ULK4: variants seen among roughly 807,000 people sequenced by gnomAD.
ULK4 encodes inactive serine/threonine-protein kinase ULK4.
Under a neutral mutation model 160.6 loss-of-function variants are expected in ULK4, and 133 were observed. The observed-to-expected ratio is 0.83, with a 90% CI of 0.72 to 0.96. The LOEUF is 0.96. Among genes scored for constraint, ULK4 ranks in the 40% least tolerant of loss-of-function variants. ULK4 has a pLI of 0.00. For missense variants in ULK4, 1,580 were observed against 1,499.5 expected (o/e 1.05, Z -0.89); for synonymous variants, 534 against 539.8 (o/e 0.99, Z 0.15).
At chr3:41,722,162 A>G (rs1246212828) in intron 22 of ULK4, among the ~76,000 whole-genome samples, 1 of 152,190 alleles carries the variant, frequency 6.6e-6, no homozygotes, top group African/African-American at 2.4e-5. Context: ...AGCTGCTATC[A>G]TCACCACCAC....
In ULK4 at chr3:41,706,505, A is replaced by G. The variant is rs377541503; in HGVS notation, c.2635-1200T>C. On this transcript the variant is annotated intron_variant, in intron 25 of 36. Coordinates refer to ENST00000301831, the MANE Select transcript of ULK4 (RefSeq NM_017886.4). ...TGACCTCGGAACTAAAAAGTAACTA[A>G]GTATAAGCGATTAGCCCACAGTAGA... 4.7e-5 allele frequency among the ~76,000 whole-genome samples: 7 copies of G among 150,452 alleles called. No homozygotes were observed. In the East Asian group the frequency reaches 1.4e-3, roughly 29 times the overall value.
rs933976256 is a variant in ULK4, at chr3:41,935,802, T to C, written c.377A>G (p.Lys126Arg). 2 of 1,601,518 alleles carry C rather than the reference T, an allele frequency of 1.2e-6. No individual in the cohort carries two copies. Among genetic ancestry groups the C allele is most frequent in the Non-Finnish European group, 1.7e-6 (2 of 1,175,554 alleles). ...GILFCDISPR[K>R]ILLEGPGTLK... is the part of the protein sequence containing the mutation. Reference sequence around the variant, plus strand: ...AAATCAAAAACTTTCATGAATTACCTTCCTAGGAGAAATGTCACAAAAGAG... The same window carrying C: ...AAATCAAAAACTTTCATGAATTACCCTCCTAGGAGAAATGTCACAAAAGAG... The change falls in exon 4 of 37, where the codon AAG (lysine) becomes AGG (arginine). Residue 126 changes from lysine to arginine, a missense_variant and splice_region_variant. Physicochemically the swap from Lys to Arg is conservative, Grantham distance 26. Transcript: ENST00000301831.
chr3:41,728,100 T>A (rs975571563), intron 22 of ULK4, among the ~76,000 whole-genome samples: 1 of 151,392 alleles, frequency 6.6e-6, no homozygotes, highest in Non-Finnish European at 1.5e-5. Context: ...ACATGGAGAG[T>A]TGGTATGTGA....
At chr3:41,522,129 C>CTTT (rs57720185) in intron 32 of ULK4, among the ~76,000 whole-genome samples, 22 of 135,954 alleles carry the variant, frequency 1.6e-4, no homozygotes, top group African/African-American at 4.7e-4. Flanking sequence ...TCTTTTTTTT[C>CTTT]TTTTTTTTTT....
At chr3:41,338,626 T>C (rs1559532157) in intron 35 of ULK4, among the ~76,000 whole-genome samples, 2 of 152,146 alleles carry the variant, frequency 1.3e-5, no homozygotes, top group South Asian at 2.1e-4. Flanking sequence ...CAGTCCCTAG[T>C]TGGAGTCCAG....
intron 35 of ULK4, among the ~76,000 whole-genome samples, chr3:41,251,379 C>T (rs1435591699): frequency 6.6e-6 from 1 of 152,120 alleles, no homozygotes; most frequent in Non-Finnish European, 1.5e-5. Context: ...ACAGAGAAAA[C>T]ACATGACACT....
At chr3:41,390,742 T>C (rs2081939229) in intron 35 of ULK4, among the ~76,000 whole-genome samples, 1 of 152,312 alleles carries the variant, frequency 6.6e-6, no homozygotes, top group Middle Eastern at 3.4e-3. Flanking sequence ...CAGTTTGTTA[T>C]AATTTCTGTT....
Position 41,590,929 on chromosome 3 carries a change from G to T in ULK4, c.3120+24740C>A, listed in dbSNP as rs369230597. ...GCTTTTTGAAGAAACGATGGTTGAAGAATTTTTTATTTGAAGAAAATCATA... is the reference window on the plus strand; with the variant it reads ...GCTTTTTGAAGAAACGATGGTTGAATAATTTTTTATTTGAAGAAAATCATA... On this transcript the variant is annotated intron_variant, in intron 31 of 36. Coordinates refer to ENST00000301831, the MANE Select transcript of ULK4 (RefSeq NM_017886.4). Among the ~76,000 whole-genome samples the T allele has an allele frequency of 2.3e-4, 35 of 152,040 alleles. 1 individual carries two copies. Among genetic ancestry groups the T allele is most frequent in the Admixed American group, 2.3e-3 (35 of 15,260 alleles).
intron 18 of ULK4, among the ~76,000 whole-genome samples, chr3:41,830,911 A>G (rs552133729): frequency 1.6e-4 from 25 of 152,254 alleles, no homozygotes; most frequent in African/African-American, 6.0e-4. Flanking sequence ...TAAAGTAGAA[A>G]TAAATTCTCC....
chr3:41,737,147 A>G (rs2038082371), intron 22 of ULK4, among the ~76,000 whole-genome samples: 1 of 151,812 alleles, frequency 6.6e-6, no homozygotes, highest in Non-Finnish European at 1.5e-5. Context: ...GCTTAAGCTG[A>G]TAAGAAACTT....
intron 31 of ULK4, among the ~76,000 whole-genome samples, chr3:41,607,210 T>C (rs2032425126): frequency 6.6e-6 from 1 of 152,064 alleles, no homozygotes; most frequent in Admixed American, 6.5e-5. Context: ...TTGATGATAG[T>C]GAAAAGGAGA....
chr3:41,661,575 T>C (rs2035168284), intron 30 of ULK4, among the ~76,000 whole-genome samples: 1 of 152,140 alleles, frequency 6.6e-6, no homozygotes, highest in African/African-American at 2.4e-5. Context: ...AGACAGAATT[T>C]AAGTAGCCAG....
chr3:41,913,830 G>A (rs1032722321), intron 8 of ULK4, among the ~76,000 whole-genome samples: 3 of 152,128 alleles, frequency 2.0e-5, no homozygotes, highest in African/African-American at 2.4e-5. Flanking sequence ...GGGTGTGGGG[G>A]CCCACACCTA....
intron 29 of ULK4, among the ~76,000 whole-genome samples, chr3:41,669,266 G>C (rs1363776001): frequency 6.6e-6 from 1 of 152,108 alleles, no homozygotes; most frequent in Non-Finnish European, 1.5e-5. Context: ...CGGGGGGAGA[G>C]ACAGGGTCTC....
intron 35 of ULK4, among the ~76,000 whole-genome samples, chr3:41,329,462 T>TATAC (rs1203304939): frequency 1.3e-5 from 2 of 152,204 alleles, no homozygotes; most frequent in Admixed American, 1.3e-4. Flanking sequence ...TCAATACATA[T>TATAC]ATACATGGAT....
intron 32 of ULK4, among the ~76,000 whole-genome samples, chr3:41,482,578 G>C (rs1237090557): frequency 6.6e-6 from 1 of 152,162 alleles, no homozygotes; most frequent in Non-Finnish European, 1.5e-5. Flanking sequence ...TTTCTAATAT[G>C]AGCAGGTAAG....
chr3:41,913,427 G>A (rs780350413), intron 8 of ULK4, among the ~76,000 whole-genome samples: 13 of 151,996 alleles, frequency 8.6e-5, no homozygotes, highest in Non-Finnish European at 1.3e-4. Flanking sequence ...GGATTTCACC[G>A]TGTTATCCAG....
chr3:41,569,861 T>G (rs531534250), intron 31 of ULK4, among the ~76,000 whole-genome samples: 1 of 152,234 alleles, frequency 6.6e-6, no homozygotes, highest in Admixed American at 6.5e-5. Context: ...TACAGTAGAA[T>G]GGCATTTCCC....
intron 30 of ULK4, among the ~76,000 whole-genome samples, chr3:41,630,338 T>A (rs1178438100): frequency 2.0e-5 from 3 of 152,192 alleles, no homozygotes; most frequent in African/African-American, 4.8e-5. Flanking sequence ...TTCCTTGCAG[T>A]TGTAGGGCTG....
Sources: allele counts gnomAD v4.1 joint callset (sites outside exome capture counted in the v4.1 genomes callset), GRCh38; gene constraint gnomAD v4.1.1; transcripts MANE v1.5; gene names NCBI Gene and HGNC (gene_info 2026-07-23, HGNC 2026-07-21).